KALRN: variants seen among roughly 807,000 people sequenced by gnomAD.
KALRN encodes kalirin.
KALRN carries 70 observed loss-of-function variants against 353.7 expected under a neutral mutation model. That is an observed-to-expected ratio of 0.20 (90% CI 0.16 to 0.24). The LOEUF is 0.24. KALRN is among the 10% of genes least tolerant of loss of function. The pLI, the probability that KALRN is intolerant of heterozygous loss-of-function variation, is 1.00. For synonymous variants in KALRN, 1,391 were observed against 1,434.8 expected (o/e 0.97, Z 0.69); for missense variants, 2,791 against 3,756.7 (o/e 0.74, Z 6.72).
intron 34 of KALRN, chr3:124,584,980 G>A: frequency 6.6e-7 from 1 of 1,517,554 alleles, no homozygotes; most frequent in South Asian, 1.2e-5. Flanking sequence ...GAGGGTGGTA[G>A]GGAGGGAAGG....
At chr3:124,382,292 C>A (rs1389081713) in intron 10 of KALRN, among the ~76,000 whole-genome samples, 1 of 152,174 alleles carries the variant, frequency 6.6e-6, no homozygotes, top group East Asian at 1.9e-4. Context: ...TCTTCAGCAT[C>A]TATATCGTAT....
At chr3:124,063,139 G>A (rs2149222818) in intron 1 of KALRN, among the ~76,000 whole-genome samples, 1 of 152,278 alleles carries the variant, frequency 6.6e-6, no homozygotes, top group Middle Eastern at 3.4e-3. Flanking sequence ...AGGACAGCCG[G>A]AGGTGAGAAC....
intron 34 of KALRN, among the ~76,000 whole-genome samples, chr3:124,606,788 CTAAT>C (rs2077391187): frequency 6.6e-6 from 1 of 152,046 alleles, no homozygotes; most frequent in South Asian, 2.1e-4. Flanking sequence ...AAGAAAAAAG[CTAAT>C]TAACCCAATA....
chr3:124,422,774 T>C, intron 14 of KALRN, 38 bp from the exon 15 acceptor site: 2 of 1,573,388 alleles, frequency 1.3e-6, no homozygotes, highest in Admixed American at 1.7e-5. Context: ...TTCACAGTAC[T>C]AGCTGGTTTT....
chr3:124,365,041 A>C (rs1017054572), intron 10 of KALRN, among the ~76,000 whole-genome samples: 1 of 152,166 alleles, frequency 6.6e-6, no homozygotes, highest in South Asian at 2.1e-4. Context: ...TTTACCAAGT[A>C]TGACCTCAGC....
At chr3:124,652,557 G>T (rs2083527908) in intron 38 of KALRN, among the ~76,000 whole-genome samples, 1 of 152,314 alleles carries the variant, frequency 6.6e-6, no homozygotes, top group South Asian at 2.1e-4. Context: ...GAGGTGGCAG[G>T]TGACCCTGGG....
Position 124,559,185 on chromosome 3 carries a change from G to A in KALRN, c.4936-3658G>A, listed in dbSNP as rs114883423. The stretch of plus-strand genomic sequence containing the variant: ...GCTATCACTGTGGAGCTGGAGGAAA[G>A]TGAGGACAGGAGGAGCTCCTTCTGC... On this transcript the variant is annotated intron_variant, in intron 33 of 59. Coordinates refer to ENST00000682506, the MANE Select transcript of KALRN (RefSeq NM_001388419.1). Among the ~76,000 whole-genome samples the A allele has an allele frequency of 5.4e-3, 828 of 152,370 alleles. 2 individuals carry two copies. The highest frequency in any genetic ancestry group is 0.031 in the Middle Eastern group (9 of 294).
At chr3:124,312,190 C>T (rs2078337974) in intron 6 of KALRN, among the ~76,000 whole-genome samples, 1 of 152,038 alleles carries the variant, frequency 6.6e-6, no homozygotes, top group Non-Finnish European at 1.5e-5. Flanking sequence ...GACAGAATTT[C>T]ACTCTTGTTG....
At chr3:124,266,257 C>T (rs1210665577) in intron 4 of KALRN, among the ~76,000 whole-genome samples, 1 of 152,074 alleles carries the variant, frequency 6.6e-6, no homozygotes. Context: ...AATATGGACA[C>T]TATAATCTGA....
chr3:124,157,952 GTGATGGA>G (rs1389333410), intron 1 of KALRN, among the ~76,000 whole-genome samples: 1 of 152,180 alleles, frequency 6.6e-6, no homozygotes, highest in East Asian at 1.9e-4. Flanking sequence ...GGAACCTCCT[GTGATGGA>G]GTACAGAGCA....
chr3:124,148,380 A>C (rs1164946034), intron 1 of KALRN, among the ~76,000 whole-genome samples: 1 of 152,212 alleles, frequency 6.6e-6, no homozygotes, highest in Non-Finnish European at 1.5e-5. Flanking sequence ...TTTCTCATGG[A>C]AGATCACCTG....
chr3:124,071,530 C>G (rs1420519467), intron 1 of KALRN, among the ~76,000 whole-genome samples: 1 of 152,122 alleles, frequency 6.6e-6, no homozygotes, highest in African/African-American at 2.4e-5. Context: ...ATACCTGGTA[C>G]TTGGTAATTT....
chr3:124,329,657 A>G (rs1281019042), intron 7 of KALRN, among the ~76,000 whole-genome samples: 3 of 152,090 alleles, frequency 2.0e-5, no homozygotes, highest in Admixed American at 1.3e-4. Context: ...TGGAGACTAT[A>G]CTTCCTAAAT....
chr3:124,606,481 T>C (rs925466353), intron 34 of KALRN, among the ~76,000 whole-genome samples: 2 of 152,242 alleles, frequency 1.3e-5, no homozygotes, highest in East Asian at 3.8e-4. Flanking sequence ...CTTATAGTCC[T>C]GTCTCCTTAA....
intron 1 of KALRN, among the ~76,000 whole-genome samples, chr3:124,206,356 C>T (rs1197943918): frequency 6.6e-6 from 1 of 152,176 alleles, no homozygotes; most frequent in Non-Finnish European, 1.5e-5. Context: ...TGAGCCAGTC[C>T]TGGAAGTGGC....
chr3:124,204,247 T>A (rs1474956921), intron 1 of KALRN, among the ~76,000 whole-genome samples: 1 of 152,194 alleles, frequency 6.6e-6, no homozygotes, highest in Non-Finnish European at 1.5e-5. Context: ...CTTTTATGAG[T>A]CTGTTCAGCT....
chr3:124,554,823 C>T (rs986624469), intron 33 of KALRN, among the ~76,000 whole-genome samples: 35 of 152,296 alleles, frequency 2.3e-4, no homozygotes, highest in Non-Finnish European at 4.6e-4. Context: ...TCTGGCAGGA[C>T]ACTGGAGGTT....
chr3:124,109,392 C>T (rs1042345669), intron 1 of KALRN, among the ~76,000 whole-genome samples: 15 of 151,946 alleles, frequency 9.9e-5, no homozygotes, highest in African/African-American at 3.4e-4. Context: ...TCACTAACTT[C>T]TTAATTTCAA....
intron 6 of KALRN, among the ~76,000 whole-genome samples, chr3:124,322,499 C>T (rs1197343213): frequency 6.6e-6 from 1 of 152,080 alleles, no homozygotes; most frequent in African/African-American, 2.4e-5. Context: ...GAGAGCCAGG[C>T]AGATGGAAGA....
Sources: gnomAD v4.1 joint callset for allele counts (sites outside exome capture counted in the v4.1 genomes callset) on GRCh38, gnomAD v4.1.1 for gene constraint, MANE v1.5 for transcripts, NCBI Gene and HGNC (gene_info 2026-07-23, HGNC 2026-07-21) for gene names.